The following LRRTM4 variants were observed in gnomAD, a reference collection of about 807,000 sequenced individuals.
The protein encoded by LRRTM4 is leucine rich repeat transmembrane neuronal 4.
A neutral mutation model predicts 47.6 loss-of-function variants in LRRTM4; 25 were observed. The observed-to-expected ratio is 0.53, with a 90% CI of 0.38 to 0.73. The LOEUF (loss-of-function observed/expected upper bound fraction) is 0.73, where lower values mean the gene tolerates loss of function less well. Among genes scored for constraint, LRRTM4 ranks in the 30% least tolerant of loss-of-function variants. The pLI is 0.00. For missense variants in LRRTM4, 638 were observed against 713.4 expected (o/e 0.89, Z 1.20); for synonymous variants, 311 against 269.5 (o/e 1.15, Z -1.51).
At chr2:77,052,851 A>C (rs2103777531) in intron 3 of LRRTM4, among the ~76,000 whole-genome samples, 1 of 152,100 alleles carries the variant, frequency 6.6e-6, no homozygotes, top group Non-Finnish European at 1.5e-5. Flanking sequence ...TTGATGTAAG[A>C]CTCAGCCTAA....
intron 3 of LRRTM4, among the ~76,000 whole-genome samples, chr2:77,186,774 A>G (rs1393437076): frequency 6.6e-6 from 1 of 152,108 alleles, no homozygotes; most frequent in African/African-American, 2.4e-5. Context: ...TACTGAGCAA[A>G]TAATAATTGG....
chr2:77,473,323 A>C (rs1315571721), intron 3 of LRRTM4, among the ~76,000 whole-genome samples: 1 of 152,158 alleles, frequency 6.6e-6, no homozygotes, highest in Non-Finnish European at 1.5e-5. Flanking sequence ...AGAAAATCAT[A>C]AGGAGGCAGT....
At chr2:76,870,950 C>G (rs780489104) in intron 3 of LRRTM4, among the ~76,000 whole-genome samples, 1 of 152,168 alleles carries the variant, frequency 6.6e-6, no homozygotes, top group Non-Finnish European at 1.5e-5. Flanking sequence ...TTGTACTAAG[C>G]TTTGCTCTCT....
intron 3 of LRRTM4, among the ~76,000 whole-genome samples, chr2:77,296,379 G>A (rs1035015732): frequency 3.3e-5 from 5 of 151,970 alleles, no homozygotes; most frequent in Non-Finnish European, 5.9e-5. Flanking sequence ...TAGCATCTTC[G>A]ATTTTTTTGG....
chr2:76,764,492 G>A (rs186518333), intron 3 of LRRTM4, among the ~76,000 whole-genome samples: 29 of 152,190 alleles, frequency 1.9e-4, no homozygotes, highest in African/African-American at 6.5e-4. Flanking sequence ...TTAGCTGGGC[G>A]TGGTGGCGGG....
At chr2:77,331,576 T>G (rs768928658) in intron 3 of LRRTM4, among the ~76,000 whole-genome samples, 4 of 152,154 alleles carry the variant, frequency 2.6e-5, no homozygotes, top group Non-Finnish European at 5.9e-5. Context: ...TAAATGAAAA[T>G]AGTGAAGTTC....
chr2:77,031,938 C>T (rs1678674862), intron 3 of LRRTM4, among the ~76,000 whole-genome samples: 1 of 152,094 alleles, frequency 6.6e-6, no homozygotes. Context: ...CTAACCCTAA[C>T]ATGATTGTCA....
chr2:76,940,066 T>A (rs979680331), intron 3 of LRRTM4, among the ~76,000 whole-genome samples: 6 of 152,082 alleles, frequency 3.9e-5, no homozygotes, highest in Admixed American at 6.6e-5. Context: ...TCAACCTTTG[T>A]GGAAAACAGT....
At chr2:77,030,215 G>C (rs888072600) in intron 3 of LRRTM4, among the ~76,000 whole-genome samples, 8 of 152,042 alleles carry the variant, frequency 5.3e-5, no homozygotes, top group African/African-American at 1.7e-4. Context: ...GGGAGATCAC[G>C]AGGTCAGGAG....
chr2:77,177,638 T>A (rs984536714), intron 3 of LRRTM4, among the ~76,000 whole-genome samples: 2 of 152,216 alleles, frequency 1.3e-5, no homozygotes, highest in African/African-American at 2.4e-5. Context: ...CAAGTCAGAA[T>A]GCTTTCTTAT....
chr2:76,932,580 C>T (rs1053295198), intron 3 of LRRTM4, among the ~76,000 whole-genome samples: 1 of 151,966 alleles, frequency 6.6e-6, no homozygotes, highest in Admixed American at 6.6e-5. Context: ...TACTCTGAAC[C>T]TATGTTTCAT....
At chr2:77,003,106 G>A (rs35573263) in intron 3 of LRRTM4, among the ~76,000 whole-genome samples, 19,810 of 151,750 alleles carry the variant, frequency 0.13, 1,566 homozygotes, top group Non-Finnish European at 0.18. Context: ...TTTACTTTGC[G>A]ATAAGAATAT....
chr2:76,813,306 G>A (rs1258556045), intron 3 of LRRTM4, among the ~76,000 whole-genome samples: 1 of 152,104 alleles, frequency 6.6e-6, no homozygotes, highest in Non-Finnish European at 1.5e-5. Context: ...AAATCATCAG[G>A]AGTGGTATAA....
At chr2:77,482,749 A>G (rs1677755933) in intron 3 of LRRTM4, among the ~76,000 whole-genome samples, 1 of 152,202 alleles carries the variant, frequency 6.6e-6, no homozygotes, top group South Asian at 2.1e-4. Flanking sequence ...TTCATTTATT[A>G]GGTAAGCTAA....
intron 3 of LRRTM4, among the ~76,000 whole-genome samples, chr2:77,321,548 G>T (rs950587952): frequency 1.1e-5 from 1 of 87,778 alleles, no homozygotes; most frequent in African/African-American, 8.2e-5. Context: ...TGGCTAAATC[G>T]GGGAGGGGGG....
At chr2:77,201,334 A>G (rs1165984945) in intron 3 of LRRTM4, among the ~76,000 whole-genome samples, 3 of 152,120 alleles carry the variant, frequency 2.0e-5, no homozygotes, top group Non-Finnish European at 4.4e-5. Flanking sequence ...GCAAACTGTT[A>G]TATTTCCTTG....
At chr2:76,966,452 TAAAAG>T (rs902228879) in intron 3 of LRRTM4, among the ~76,000 whole-genome samples, 23 of 151,460 alleles carry the variant, frequency 1.5e-4, no homozygotes, top group Non-Finnish European at 2.5e-4. Context: ...TACTTAGTAA[TAAAAG>T]AAACAAATAT....
At chr2:77,298,361 C>A (rs1018014992) in intron 3 of LRRTM4, among the ~76,000 whole-genome samples, 1 of 152,090 alleles carries the variant, frequency 6.6e-6, no homozygotes, top group African/African-American at 2.4e-5. Flanking sequence ...CTCAGCCTCC[C>A]GAGTAGCTGG....
chr2:77,127,104 T>C (rs1671669115), intron 3 of LRRTM4, among the ~76,000 whole-genome samples: 1 of 152,182 alleles, frequency 6.6e-6, no homozygotes, highest in South Asian at 2.1e-4. Flanking sequence ...TGTCATAGTT[T>C]CTTGTTTTCA....
Sources: allele counts gnomAD v4.1 joint callset (sites outside exome capture counted in the v4.1 genomes callset), GRCh38; gene constraint gnomAD v4.1.1; transcripts MANE v1.5; gene names NCBI Gene and HGNC (gene_info 2026-07-23, HGNC 2026-07-21).